Variants in ZFYVE28 observed in about 807,000 individuals in gnomAD.
The protein encoded by ZFYVE28 is zinc finger FYVE-type containing 28.
A neutral mutation model predicts 82.1 loss-of-function variants in ZFYVE28; 40 were observed. The observed-to-expected ratio is 0.49, with a 90% CI of 0.38 to 0.63. ZFYVE28 has a LOEUF of 0.63. Among genes scored for constraint, ZFYVE28 ranks in the 30% least tolerant of loss-of-function variants. The probability of loss-of-function intolerance (pLI) is 0.00; values close to 1 mark genes in which losing one functional copy is unlikely to be tolerated. For missense variants in ZFYVE28, 1,321 were observed against 1,242.1 expected, an observed-to-expected ratio of 1.06 and a Z score of -0.96; for synonymous variants, 612 against 546.1, an observed-to-expected ratio of 1.12 and a Z score of -1.68.
chr4:2,275,758 C>CT (rs1396486667), intron 8 of ZFYVE28, among the ~76,000 whole-genome samples: 2 of 152,258 alleles, frequency 1.3e-5, no homozygotes, highest in African/African-American at 4.8e-5. Context: ...AAAGCCAGGG[C>CT]TGTCTACACT....
At chr4:2,378,045 G>A (rs1052191360) in intron 1 of ZFYVE28, among the ~76,000 whole-genome samples, 5 of 152,116 alleles carry the variant, frequency 3.3e-5, no homozygotes, top group Admixed American at 6.5e-5. Flanking sequence ...AGTCAAATAC[G>A]GTTATCCTAA....
chr4:2,313,117 G>A (rs931136341), intron 7 of ZFYVE28, among the ~76,000 whole-genome samples: 1 of 139,760 alleles, frequency 7.2e-6, no homozygotes, highest in African/African-American at 2.6e-5. Context: ...GTTTTTCCAG[G>A]TTTTTTTTTT....
At chr4:2,406,202 T>A (rs2094944683) in intron 1 of ZFYVE28, among the ~76,000 whole-genome samples, 2 of 151,584 alleles carry the variant, frequency 1.3e-5, no homozygotes, top group Admixed American at 6.6e-5. Context: ...TGAAACCCCA[T>A]CTCTGTCAAA....
At chr4:2,279,170 T>C (rs532557129) in intron 8 of ZFYVE28, among the ~76,000 whole-genome samples, 1 of 152,300 alleles carries the variant, frequency 6.6e-6, no homozygotes, top group African/African-American at 2.4e-5. Context: ...GAACACATCA[T>C]ATTGTCATCC....
intron 7 of ZFYVE28, among the ~76,000 whole-genome samples, chr4:2,309,374 T>C (rs1207244802): frequency 2.0e-5 from 3 of 152,224 alleles, no homozygotes; most frequent in Non-Finnish European, 2.9e-5. Flanking sequence ...TTACTGAGTC[T>C]TAGGTATTCT....
At chr4:2,304,131 C>T (rs1456404327) in intron 8 of ZFYVE28, among the ~76,000 whole-genome samples, 158 bp downstream of exon 8, 3 of 152,244 alleles carry the variant, frequency 2.0e-5, no homozygotes, top group East Asian at 1.9e-4. Context: ...TGCCCCTGCC[C>T]CTCCTCACAC....
In ZFYVE28 at chr4:2,339,655, A is replaced by G; in HGVS notation, c.319T>C (p.Cys107Arg). 6.3e-7 allele frequency: 1 copy of G among 1,593,448 alleles called. No individual in the cohort carries two copies. Among genetic ancestry groups the G allele is most frequent in the Non-Finnish European group, 8.5e-7 (1 of 1,171,438 alleles). ...ATGATGATGGAGCCGGCGGCCAGGCACTGCGGGAGGGGACACACTCAGGGA... is the reference window on the plus strand; with the variant it reads ...ATGATGATGGAGCCGGCGGCCAGGCGCTGCGGGAGGGGACACACTCAGGGA... The part of the protein sequence containing the change: ...LAGQLWFGAE[C>R]LAAGSIIMNR... Residue 107 changes from cysteine (C) to arginine (R), a missense_variant and splice_region_variant, in exon 4 of 13, where the codon TGC becomes CGC. Transcript: ENST00000290974. The surrounding 1 kb of genome is among the most constrained non-coding windows in gnomAD (Gnocchi z 5.0).
intron 1 of ZFYVE28, among the ~76,000 whole-genome samples, chr4:2,366,395 C>G (rs528220415): frequency 6.6e-6 from 1 of 152,352 alleles, no homozygotes; most frequent in African/African-American, 2.4e-5. Flanking sequence ...AATCAGTGCC[C>G]TGGGAAGCTT....
chr4:2,271,957 T>A (rs1735953649), intron 10 of ZFYVE28, among the ~76,000 whole-genome samples, 178 bp from the exon 11 acceptor site: 1 of 151,816 alleles, frequency 6.6e-6, no homozygotes, highest in Non-Finnish European at 1.5e-5. Context: ...TGGCTGGGGG[T>A]CTTCCTGAGC....
intron 6 of ZFYVE28, among the ~76,000 whole-genome samples, chr4:2,321,576 G>T (rs1407702239): frequency 6.6e-6 from 1 of 151,970 alleles, no homozygotes; most frequent in Non-Finnish European, 1.5e-5. Flanking sequence ...TACATGAGCT[G>T]CCTGTCCTGA....
intron 6 of ZFYVE28, among the ~76,000 whole-genome samples, chr4:2,323,980 C>T (rs1317894394): frequency 6.6e-6 from 1 of 152,076 alleles, no homozygotes; most frequent in Non-Finnish European, 1.5e-5. Flanking sequence ...TGATGAAGTC[C>T]AGTTTCTCTT....
Position 2,409,233 on chromosome 4 carries a change from C to A in ZFYVE28, c.39+9052G>T, listed in dbSNP as rs1351114681. On this transcript the variant is annotated intron_variant, in intron 1 of 12. Coordinates refer to ENST00000290974, the MANE Select transcript of ZFYVE28 (RefSeq NM_020972.3). The surrounding 1 kb of genome is among the most constrained non-coding windows in gnomAD (Gnocchi z 4.4). ...TCCCCAAACAGCACCTCTCCCCCAG[C>A]CAGGTCCCACCCCCACCAGGCCCAG... is the stretch of plus-strand genomic sequence containing the variant. Among the ~76,000 whole-genome samples the A allele has an allele frequency of 6.6e-6, 1 of 151,744 alleles. No homozygotes were observed. Among genetic ancestry groups the A allele is most frequent in the Non-Finnish European group, 1.5e-5 (1 of 67,922 alleles).
At chr4:2,355,072 C>G (rs1476789453) in intron 1 of ZFYVE28, among the ~76,000 whole-genome samples, 1 of 151,214 alleles carries the variant, frequency 6.6e-6, no homozygotes, top group East Asian at 2.0e-4. Flanking sequence ...GCTCTACGCA[C>G]ACAGCACGGC....
At chr4:2,336,830 T>G (rs1439667749) in intron 5 of ZFYVE28, among the ~76,000 whole-genome samples, 5 of 88,372 alleles carry the variant, frequency 5.7e-5, no homozygotes, top group South Asian at 3.6e-4. Flanking sequence ...ATTGAGGAGG[T>G]GAGGAGTGAG....
rs1449116101 is a variant in ZFYVE28, at chr4:2,271,424, C to T, written c.2429-10G>A. On this transcript the variant is annotated splice_polypyrimidine_tract_variant and intron_variant, in intron 11 of 12. Coordinates refer to ENST00000290974, the MANE Select transcript of ZFYVE28 (RefSeq NM_020972.3). ...ACCCACTCCGGGGGGTCTGTCACAA[C>T]AACAGCAGCGTCACATCAGCGACGG... The T allele has an allele frequency of 1.9e-6, 3 of 1,611,820 alleles. No individual in the cohort carries two copies. The highest frequency in any genetic ancestry group is 2.7e-5 in the African/African-American group (2 of 75,052).
chr4:2,312,715 A>G (rs1717646645), intron 7 of ZFYVE28, among the ~76,000 whole-genome samples: 2 of 122,128 alleles, frequency 1.6e-5, no homozygotes, highest in Admixed American at 1.0e-4. Context: ...CGACAGAGCG[A>G]GACTCTGCCT....
At chr4:2,378,211 C>T (rs1728362843) in intron 1 of ZFYVE28, among the ~76,000 whole-genome samples, 1 of 152,212 alleles carries the variant, frequency 6.6e-6, no homozygotes, top group Non-Finnish European at 1.5e-5. Context: ...CACGGTAGTG[C>T]ACGCCTGCAG....
chr4:2,365,342 C>CCGCA (rs1726754708), intron 1 of ZFYVE28, among the ~76,000 whole-genome samples: 1 of 151,584 alleles, frequency 6.6e-6, no homozygotes, highest in African/African-American at 2.4e-5. Flanking sequence ...GCCTCTGGGC[C>CCGCA]CGCACGTGCA....
At chr4:2,367,760 C>T (rs188747720) in intron 1 of ZFYVE28, among the ~76,000 whole-genome samples, 1 of 152,340 alleles carries the variant, frequency 6.6e-6, no homozygotes, top group Non-Finnish European at 1.5e-5. Context: ...CACTCCTGGG[C>T]ACACTGGAAG....
Sources: gnomAD v4.1 joint callset for allele counts (sites outside exome capture counted in the v4.1 genomes callset) on GRCh38, gnomAD v4.1.1 for gene constraint, Gnocchi (gnomAD v3.1) non-coding constraint, MANE v1.5 for transcripts, NCBI Gene and HGNC (gene_info 2026-07-23, HGNC 2026-07-21) for gene names.